Variants in TFAM observed in about 807,000 individuals in gnomAD.
The protein encoded by TFAM is mitochondrial transcription factor 1.
A neutral mutation model predicts 30.6 loss-of-function variants in TFAM; 13 were observed. The ratio of observed to expected loss-of-function variants is 0.42; its 90% CI spans 0.28 to 0.67. The LOEUF is 0.67. Ranked by LOEUF, TFAM falls within the 30% of genes least tolerant of loss-of-function variation. The pLI, the probability that TFAM is intolerant of heterozygous loss-of-function variation, is 0.21. For missense variants in TFAM, 231 were observed against 293.7 expected (o/e 0.79, Z 1.56); for synonymous variants, 106 against 94.8 (o/e 1.12, Z -0.69).
intron 4 of TFAM, among the ~76,000 whole-genome samples, chr10:58,390,012 C>G (rs552641956): frequency 2.6e-5 from 4 of 152,100 alleles, no homozygotes; most frequent in Non-Finnish European, 5.9e-5. Flanking sequence ...TGCTTGGAGT[C>G]TATAGTAGTT....
intron 1 of TFAM, 95 bp downstream of exon 1, chr10:58,385,743 G>A: frequency 1.0e-6 from 1 of 959,682 alleles, no homozygotes; most frequent in Non-Finnish European, 1.6e-6. Flanking sequence ...CCCCTCCTAG[G>A]AGTTCAGAGT....
rs1010551467 is a variant in TFAM at position 58,398,382 on chromosome 10, C to T, written c.*3308C>T. 1 of 152,044 alleles carries T rather than the reference C, an allele frequency of 6.6e-6. No individual in the cohort carries two copies. Among genetic ancestry groups the T allele is most frequent in the Non-Finnish European group, 1.5e-5 (1 of 68,016 alleles). 9.4% of individuals were successfully genotyped at this position (152,044 alleles called of 1,614,324 possible). A position where few individuals can be genotyped will look rare whatever the true frequency, so the allele number is the denominator to read the frequency against. ...TTTATACTTTTGTTCTTTGGAGTAC[C>T]AATGTTAGGTTTTACAAAAGTAATT... On this transcript the variant is annotated 3_prime_UTR_variant, in exon 7 of 7. Coordinates refer to ENST00000487519, the MANE Select transcript of TFAM (RefSeq NM_003201.3).
At position 58,385,417 on chromosome 10, in the gene TFAM, C is replaced by T. The variant is rs1310057510; in HGVS notation, c.-131C>T. On this transcript the variant is annotated 5_prime_UTR_variant, in exon 1 of 7. Coordinates refer to ENST00000487519, the MANE Select transcript of TFAM (RefSeq NM_003201.3). The stretch of plus-strand genomic sequence containing the variant: ...GATGTTAGCAGATTTCCCATAGTGC[C>T]TCGCTAGTGGCGGGCATGATAACAC... 3 of 736,076 alleles carry T rather than the reference C, an allele frequency of 4.1e-6. No individual in the cohort carries two copies. Among genetic ancestry groups the T allele is most frequent in the Non-Finnish European group, 7.2e-6 (3 of 414,402 alleles). 45.6% of individuals were successfully genotyped at this position (736,076 alleles called of 1,614,324 possible).
chr10:58,391,203 T>G (rs1840592251), intron 5 of TFAM, among the ~76,000 whole-genome samples: 1 of 152,174 alleles, frequency 6.6e-6, no homozygotes, highest in Admixed American at 6.5e-5. Context: ...CTGCAATATT[T>G]TCTATGGGGA....
At position 58,395,680 on chromosome 10, in the gene TFAM, T is replaced by C. The variant is rs1444633426; in HGVS notation, c.*606T>C. On this transcript the variant is annotated 3_prime_UTR_variant, in exon 7 of 7. Transcript: ENST00000487519. ...TTCTAAAGTAAAAACAAAGAAATTA[T>C]GTGCCAGATTTATGCATATTATTTT... 3.4e-6 allele frequency: 1 copy of C among 297,342 alleles called. No individual in the cohort carries two copies. Among genetic ancestry groups the C allele is most frequent in the East Asian group, 4.8e-5 (1 of 20,740 alleles). The allele number at this position is 297,342 out of a possible 1,614,324, so 18.4% of individuals were successfully genotyped here. A position where few individuals can be genotyped will look rare whatever the true frequency, so the allele number is the denominator to read the frequency against.
rs1246481547 is a variant in TFAM, at chr10:58,387,556, C to T, written c.221-634C>T. 2.0e-5 allele frequency among the ~76,000 whole-genome samples: 3 copies of T among 152,116 alleles called. No homozygotes were observed. The East Asian group carries it at 5.8e-4, about 29-fold the overall frequency. On this transcript the variant is annotated intron_variant, in intron 2 of 6. Coordinates refer to ENST00000487519, the MANE Select transcript of TFAM (RefSeq NM_003201.3). ...TTAGCTTTTATAAATTTAGGAATTC[C>T]TCAAAGACTTGAAAAAGTGTTTTGC...
chr10:58,390,459 T>G (rs1387373751), intron 4 of TFAM, among the ~76,000 whole-genome samples: 2 of 152,190 alleles, frequency 1.3e-5, no homozygotes, highest in African/African-American at 4.8e-5. Context: ...AACCTAAGGT[T>G]GTTTTATCTT....
chr10:58,386,238 G>A lies in TFAM; in HGVS notation c.120G>A (p.Arg40=). 6.2e-7 allele frequency: 1 copy of A among 1,612,678 alleles called. No individual in the cohort carries two copies. Among genetic ancestry groups the A allele is most frequent in the African/African-American group, 1.3e-5 (1 of 75,012 alleles). The part of the protein sequence containing the change: ...RSPFSFVYLP[R]WFSSVLASCP... ...TATGTAGTTTTGTGTATTTACCGAG[G>A]TGGTTTTCATCTGTCTTGGCAAGTT... is the stretch of plus-strand genomic sequence containing the variant. The change falls in exon 2 of 7, where the codon AGG becomes AGA. Residue 40 remains arginine (R), a synonymous_variant. Coordinates refer to ENST00000487519, the MANE Select transcript of TFAM (RefSeq NM_003201.3).
rs2132365316 is a variant in TFAM at position 58,397,264 on chromosome 10, AT to A, written c.*2191del. On this transcript the variant is annotated 3_prime_UTR_variant, in exon 7 of 7. Transcript: ENST00000487519. ...ATAAACATCTCGGGACAAATGCAGCATAGAAAACATCTTTGTAGTTACCCTG... is the reference window on the plus strand; with the variant it reads ...ATAAACATCTCGGGACAAATGCAGCAAGAAAACATCTTTGTAGTTACCCTG... 6.6e-6 allele frequency: 1 copy of A among 152,340 alleles called. No homozygotes were observed. The highest frequency in any genetic ancestry group is 1.9e-4 in the East Asian group (1 of 5,178). The allele number at this position is 152,340 out of a possible 1,614,324, so 9.4% of individuals were successfully genotyped here. A position where few individuals can be genotyped will look rare whatever the true frequency, so the allele number is the denominator to read the frequency against.
rs1840692588 is a variant in TFAM at position 58,396,920 on chromosome 10, G to T, written c.*1846G>T. 1.3e-5 allele frequency: 2 copies of T among 152,180 alleles called. No homozygotes were observed. Among genetic ancestry groups the T allele is most frequent in the Non-Finnish European group, 2.9e-5 (2 of 68,032 alleles). 9.4% of individuals were successfully genotyped at this position (152,180 alleles called of 1,614,324 possible). On this transcript the variant is annotated 3_prime_UTR_variant, in exon 7 of 7. Coordinates refer to ENST00000487519, the MANE Select transcript of TFAM (RefSeq NM_003201.3). The stretch of plus-strand genomic sequence containing the variant: ...TTTCCCTGTGGGAGCTTCTCACTCT[G>T]GGTGCAGACAGGACAGTGTTGGCCA...
intron 1 of TFAM, among the ~76,000 whole-genome samples, chr10:58,385,976 T>C (rs544828971): frequency 6.6e-6 from 1 of 152,328 alleles, no homozygotes; most frequent in Admixed American, 6.5e-5. Flanking sequence ...GCCCAGGAGC[T>C]GGAGTATAGA....
intron 4 of TFAM, 54 bp downstream of exon 4, chr10:58,388,873 A>G: frequency 6.8e-6 from 10 of 1,465,564 alleles, no homozygotes; most frequent in South Asian, 1.2e-5. Flanking sequence ...GATTTATATA[A>G]CTATGAATAT....
chr10:58,396,430 A>G lies in TFAM; in HGVS notation c.*1356A>G, dbSNP rs540635836. The G allele has an allele frequency of 6.6e-6, 1 of 152,372 alleles. No homozygotes were observed. Among genetic ancestry groups the G allele is most frequent in the Admixed American group, 6.5e-5 (1 of 15,306 alleles). 9.4% of individuals were successfully genotyped at this position (152,372 alleles called of 1,614,324 possible). On this transcript the variant is annotated 3_prime_UTR_variant, in exon 7 of 7. Transcript: ENST00000487519. ...AAATTGTTGCTTCTCAGTGTTAGCAAGGAAAATAATCTAGTTTCAAATTAC... is the reference window on the plus strand; with the variant it reads ...AAATTGTTGCTTCTCAGTGTTAGCAGGGAAAATAATCTAGTTTCAAATTAC...
In TFAM at chr10:58,398,068, T is replaced by C. The variant is rs1196599504; in HGVS notation, c.*2994T>C. 6.6e-6 allele frequency: 1 copy of C among 151,930 alleles called. No homozygotes were observed. The highest frequency in any genetic ancestry group is 2.4e-5 in the African/African-American group (1 of 41,306). 9.4% of individuals were successfully genotyped at this position (151,930 alleles called of 1,614,324 possible). ...GCCACCATGCTTGACCATAAAGCCT[T>C]ACTATTTCTTTTGGAGACACAGTCT... On this transcript the variant is annotated 3_prime_UTR_variant, in exon 7 of 7. Coordinates refer to ENST00000487519, the MANE Select transcript of TFAM (RefSeq NM_003201.3).
intron 1 of TFAM, 82 bp from the exon 2 acceptor site, chr10:58,386,138 A>G: frequency 2.3e-5 from 21 of 929,790 alleles, no homozygotes; most frequent in Non-Finnish European, 3.8e-5. Context: ...GACATTTCTT[A>G]TTTGGGATCT....
chr10:58,391,240 A>G (rs1840592987), intron 5 of TFAM, among the ~76,000 whole-genome samples: 1 of 152,146 alleles, frequency 6.6e-6, no homozygotes, highest in South Asian at 2.1e-4. Context: ...TGCTTCATTT[A>G]TATCTTTTAA....
At position 58,395,731 on chromosome 10, in the gene TFAM, T is replaced by C; in HGVS notation, c.*657T>C. On this transcript the variant is annotated 3_prime_UTR_variant, in exon 7 of 7. Coordinates refer to ENST00000487519, the MANE Select transcript of TFAM (RefSeq NM_003201.3). ...ATGTTGCATAGAATAAAATTTTTAA[T>C]CTTTAATTTTACATTTCCTAAATAT... 1 of 300,198 alleles carries C rather than the reference T, an allele frequency of 3.3e-6. No individual in the cohort carries two copies. The allele number at this position is 300,198 out of a possible 1,614,324, so 18.6% of individuals were successfully genotyped here.
intron 4 of TFAM, 76 bp from the exon 5 acceptor site, chr10:58,390,689 A>C (rs1336004253): frequency 1.3e-5 from 14 of 1,068,792 alleles, no homozygotes; most frequent in Non-Finnish European, 1.9e-5. Flanking sequence ...CGTAGTAGTG[A>C]ATAAAGTTTC....
chr10:58,394,215 GT>G, intron 5 of TFAM, 142 bp from the exon 6 acceptor site: 1 of 693,558 alleles, frequency 1.4e-6, no homozygotes, highest in Non-Finnish European at 2.6e-6. Context: ...CAGTTTGATA[GT>G]TTTTGTTTAG....
Sources: allele counts gnomAD v4.1 joint callset (sites outside exome capture counted in the v4.1 genomes callset), GRCh38; gene constraint gnomAD v4.1.1; transcripts MANE v1.5; gene names NCBI Gene and HGNC (gene_info 2026-07-23, HGNC 2026-07-21).